The following AFG2A variants were observed in gnomAD, a reference collection of about 807,000 sequenced individuals.
AFG2A encodes AAA ATPase AFG2A.
the AFG2A span, among the ~76,000 whole-genome samples, chr4:123,279,143 C>T: frequency 2.0e-4 from 30 of 152,256 alleles, no homozygotes; most frequent in African/African-American, 6.0e-4. Flanking sequence ...AGGCCAGGCG[C>T]GGTGGCTCAT....
At chr4:123,032,028 C>A in the AFG2A span, among the ~76,000 whole-genome samples, 1 of 152,174 alleles carries the variant, frequency 6.6e-6, no homozygotes, top group Non-Finnish European at 1.5e-5. Flanking sequence ...TGGAGTGCTA[C>A]AATAGATTAA....
chr4:123,199,508 G>T, the AFG2A span, among the ~76,000 whole-genome samples: 35 of 108,380 alleles, frequency 3.2e-4, no homozygotes, highest in Non-Finnish European at 5.3e-4. Flanking sequence ...GCCTTGCTCT[G>T]TCGCCCAGGC....
chr4:123,196,167 A>T, the AFG2A span, among the ~76,000 whole-genome samples: 3 of 79,676 alleles, frequency 3.8e-5, no homozygotes, highest in African/African-American at 1.4e-4. Flanking sequence ...TGCCCAGCTA[A>T]TTTTTTTTTT....
At chr4:122,925,297 T>C in the AFG2A span, among the ~76,000 whole-genome samples, 2 of 152,220 alleles carry the variant, frequency 1.3e-5, no homozygotes, top group African/African-American at 4.8e-5. Flanking sequence ...TTTTGACTGA[T>C]TTTCCAGCTT....
the AFG2A span, chr4:122,938,034 G>A: frequency 1.7e-6 from 2 of 1,200,926 alleles, no homozygotes; most frequent in South Asian, 1.9e-5. Flanking sequence ...TTCTAAATTT[G>A]ATATGTTGCA....
the AFG2A span, among the ~76,000 whole-genome samples, chr4:123,024,365 A>C: frequency 6.6e-6 from 1 of 152,324 alleles, no homozygotes; most frequent in South Asian, 2.1e-4. Flanking sequence ...CAGGAATCCC[A>C]AGTCACCTAA....
the AFG2A span, among the ~76,000 whole-genome samples, chr4:123,052,642 T>C: frequency 6.6e-6 from 1 of 152,228 alleles, no homozygotes; most frequent in African/African-American, 2.4e-5. Flanking sequence ...TTCCTGAGCC[T>C]GTGACCACTT....
chr4:123,069,446 G>T, the AFG2A span, among the ~76,000 whole-genome samples: 20 of 152,046 alleles, frequency 1.3e-4, no homozygotes. Context: ...AGAATCCTGT[G>T]GCACCCTCTT....
chr4:123,048,801 T>A, the AFG2A span, among the ~76,000 whole-genome samples: 1 of 152,306 alleles, frequency 6.6e-6, no homozygotes, highest in African/African-American at 2.4e-5. Context: ...TGAGATTATG[T>A]CATCTGCAAA....
At chr4:122,937,371 T>G in the AFG2A span, among the ~76,000 whole-genome samples, 1 of 152,106 alleles carries the variant, frequency 6.6e-6, no homozygotes, top group Admixed American at 6.6e-5. Flanking sequence ...TTTTTTTTTC[T>G]AGCAACAGGG....
chr4:123,308,422 C>T, the AFG2A span, among the ~76,000 whole-genome samples: 3 of 152,144 alleles, frequency 2.0e-5, no homozygotes, highest in Admixed American at 6.5e-5. Flanking sequence ...CCAGGCCACA[C>T]GGTAGGAGGT....
At chr4:123,221,074 CATGTGGCTATTGAGCACCTGAA>C in the AFG2A span, among the ~76,000 whole-genome samples, 16 of 152,194 alleles carry the variant, frequency 1.1e-4, no homozygotes, top group Admixed American at 1.3e-4. Flanking sequence ...CCACTGGCCA[CATGTGGCTATTGAGCACCTGAA>C]ATGTGGCTTT....
At chr4:123,312,239 A>G in the AFG2A span, among the ~76,000 whole-genome samples, 1 of 152,066 alleles carries the variant, frequency 6.6e-6, no homozygotes, top group African/African-American at 2.4e-5. Flanking sequence ...CCCAACCATT[A>G]TGTGCCAGGC....
At chr4:123,180,717 G>A in the AFG2A span, among the ~76,000 whole-genome samples, 2 of 152,130 alleles carry the variant, frequency 1.3e-5, no homozygotes, top group East Asian at 1.9e-4. Context: ...AAAGGATATT[G>A]TATTTAATTC....
At chr4:122,974,041 G>C in the AFG2A span, among the ~76,000 whole-genome samples, 1 of 152,050 alleles carries the variant, frequency 6.6e-6, no homozygotes, top group East Asian at 1.9e-4. Flanking sequence ...TTTTCCTCCT[G>C]TGAGTTACTA....
chr4:123,304,460 A>G, the AFG2A span, among the ~76,000 whole-genome samples: 3 of 152,276 alleles, frequency 2.0e-5, no homozygotes. Flanking sequence ...TGTGAAAGTG[A>G]AAAGAAAAGC....
At chr4:122,960,014 T>C in the AFG2A span, among the ~76,000 whole-genome samples, 2 of 152,206 alleles carry the variant, frequency 1.3e-5, no homozygotes, top group South Asian at 2.1e-4. Context: ...ATATTTTCTT[T>C]ATAATTAATT....
chr4:122,932,307 A>G, the AFG2A span, among the ~76,000 whole-genome samples: 1 of 151,498 alleles, frequency 6.6e-6, no homozygotes, highest in Non-Finnish European at 1.5e-5. Flanking sequence ...AGAACAAGGT[A>G]TTTTTTGACC....
the AFG2A span, among the ~76,000 whole-genome samples, chr4:122,945,689 G>A: frequency 1.7e-4 from 26 of 152,324 alleles, no homozygotes; most frequent in Non-Finnish European, 2.9e-5. Flanking sequence ...CTAGTGAGAT[G>A]AACCTGGTAC....
Sources: allele counts gnomAD v4.1 joint callset (sites outside exome capture counted in the v4.1 genomes callset), GRCh38; gene constraint gnomAD v4.1.1; transcripts MANE v1.5; gene names NCBI Gene and HGNC (gene_info 2026-07-23, HGNC 2026-07-21).